The following NAV2 variants were observed in gnomAD, a reference collection of about 807,000 sequenced individuals.
NAV2 encodes the protein helicase, APC down-regulated 1.
NAV2 carries 54 observed loss-of-function variants against 223.2 expected under a neutral mutation model. The observed-to-expected ratio is 0.24, with a 90% confidence interval of 0.19 to 0.30. The LOEUF (loss-of-function observed/expected upper bound fraction) is 0.30, where lower values mean the gene tolerates loss of function less well. Ranked by LOEUF, NAV2 falls within the 10% of genes least tolerant of loss-of-function variation. The pLI, the probability that NAV2 is intolerant of heterozygous loss-of-function variation, is 1.00. For synonymous variants in NAV2, 1,279 were observed against 1,239.3 expected, an observed-to-expected ratio of 1.03 and a Z score of -0.67; for missense variants, 2,806 against 3,147.5, an observed-to-expected ratio of 0.89 and a Z score of 2.60.
intron 22 of NAV2, among the ~76,000 whole-genome samples, chr11:20,074,190 A>C (rs2059579796): frequency 6.6e-6 from 1 of 152,124 alleles, no homozygotes; most frequent in Non-Finnish European, 1.5e-5. Context: ...TTCCTTATGT[A>C]CCCAGTAGTC....
At chr11:19,498,311 G>T (rs1415662837) in intron 1 of NAV2, among the ~76,000 whole-genome samples, 5 of 152,228 alleles carry the variant, frequency 3.3e-5, no homozygotes, top group African/African-American at 1.2e-4. Flanking sequence ...CCAGGAGGTT[G>T]GTCCCCAAAA....
intron 1 of NAV2, among the ~76,000 whole-genome samples, chr11:19,561,044 G>A (rs754066174): frequency 5.3e-5 from 8 of 152,132 alleles, no homozygotes; most frequent in African/African-American, 9.7e-5. Context: ...CTCTTTTTCC[G>A]TTAAGACCAG....
chr11:19,690,412 A>T (rs1261643934), intron 1 of NAV2, among the ~76,000 whole-genome samples: 1 of 152,172 alleles, frequency 6.6e-6, no homozygotes, highest in Non-Finnish European at 1.5e-5. Context: ...ATGATCTTGG[A>T]CCACTTACTT....
chr11:20,086,409 T>C lies in NAV2; in HGVS notation c.5498+3230T>C, dbSNP rs146395148. 5.3e-3 allele frequency among the ~76,000 whole-genome samples: 810 copies of C among 152,290 alleles called. 10 individuals carry two copies. Among genetic ancestry groups the C allele is most frequent in the African/African-American group, 0.019 (775 of 41,562 alleles). On this transcript the variant is annotated intron_variant, in intron 26 of 37. Transcript: ENST00000349880. The stretch of plus-strand genomic sequence containing the variant: ...TTTATTTCCTTAGGTCTCTGCTCAA[T>C]GTGACTTAATGAATAAGGCCTTGCC...
At position 19,948,921 on chromosome 11, in the gene NAV2, G is replaced by A; in HGVS notation, c.2486G>A (p.Arg829Lys). ...GRYVYSAPLR[R>K]QLASRGSSVC... Reference sequence around the variant, plus strand: ...TATGTGTACTCCGCCCCTCTGAGAAGGCAGCTGGCCTCCCGGGGCAGTAGT... The same window carrying A: ...TATGTGTACTCCGCCCCTCTGAGAAAGCAGCTGGCCTCCCGGGGCAGTAGT... Residue 829 changes from arginine (R) to lysine (K), a missense_variant, in exon 10 of 38, where the codon AGG (arginine) becomes AAG (lysine). Transcript: ENST00000349880. The A allele has an allele frequency of 6.2e-7, 1 of 1,614,162 alleles. No homozygotes were observed. The highest frequency in any genetic ancestry group is 8.5e-7 in the Non-Finnish European group (1 of 1,180,018).
intron 1 of NAV2, among the ~76,000 whole-genome samples, chr11:19,446,892 G>A (rs1851604400): frequency 6.6e-6 from 1 of 152,204 alleles, no homozygotes; most frequent in Non-Finnish European, 1.5e-5. Context: ...GGAAAGGGGA[G>A]CCAAGCGTCA....
At chr11:19,551,213 A>T (rs987214582) in intron 1 of NAV2, among the ~76,000 whole-genome samples, 1 of 152,252 alleles carries the variant, frequency 6.6e-6, no homozygotes, top group Non-Finnish European at 1.5e-5. Flanking sequence ...CACTTTCTTT[A>T]CTACAATTTA....
chr11:19,981,917 C>T (rs1437227061), intron 10 of NAV2, among the ~76,000 whole-genome samples: 1 of 152,108 alleles, frequency 6.6e-6, no homozygotes, highest in Admixed American at 6.6e-5. Context: ...GGAAAGAAAA[C>T]CTGTAATCAG....
intron 19 of NAV2, among the ~76,000 whole-genome samples, chr11:20,057,595 A>G (rs750203172): frequency 1.3e-5 from 2 of 152,218 alleles, no homozygotes; most frequent in Non-Finnish European, 2.9e-5. Flanking sequence ...ACTTCTTTCT[A>G]GTCAGTGTAC....
chr11:19,465,028 G>A (rs1564958286), intron 1 of NAV2, among the ~76,000 whole-genome samples: 1 of 152,178 alleles, frequency 6.6e-6, no homozygotes, highest in Non-Finnish European at 1.5e-5. Context: ...GCCTGGAATA[G>A]CACTGTTTTG....
chr11:19,467,006 C>G (rs1564959955), intron 1 of NAV2, among the ~76,000 whole-genome samples: 1 of 131,812 alleles, frequency 7.6e-6, no homozygotes, highest in African/African-American at 2.8e-5. Context: ...CACACACACA[C>G]ACACACACAC....
chr11:19,504,257 T>A (rs889225170), intron 1 of NAV2: 2 of 152,170 alleles, frequency 1.3e-5, no homozygotes, highest in Admixed American at 1.3e-4. Context: ...AGTTTGGCAG[T>A]TTGGTACAAA....
At chr11:19,559,418 T>C (rs983810442) in intron 1 of NAV2, among the ~76,000 whole-genome samples, 2 of 152,122 alleles carry the variant, frequency 1.3e-5, no homozygotes, top group Admixed American at 6.5e-5. Context: ...GTGGATATAG[T>C]AAAGACAACC....
intron 1 of NAV2, among the ~76,000 whole-genome samples, chr11:19,723,166 A>G (rs2050911233): frequency 6.6e-6 from 1 of 152,214 alleles, no homozygotes; most frequent in Non-Finnish European, 1.5e-5. Flanking sequence ...GAAAGGGAGA[A>G]GGTTTAGAAA....
At chr11:19,968,285 C>T (rs1466426840) in intron 10 of NAV2, among the ~76,000 whole-genome samples, 2 of 152,200 alleles carry the variant, frequency 1.3e-5, no homozygotes, top group East Asian at 3.9e-4. Flanking sequence ...GCAACCTCCG[C>T]TCCTGGGTTC....
chr11:19,687,608 A>T (rs1162826947), intron 1 of NAV2, among the ~76,000 whole-genome samples: 2 of 152,212 alleles, frequency 1.3e-5, no homozygotes, highest in Non-Finnish European at 2.9e-5. Context: ...TTTTCAAATT[A>T]TCCTTTCATC....
In NAV2 at chr11:19,450,171, G is replaced by T. The variant is rs150361294; in HGVS notation, c.75+99144G>T. Among the ~76,000 whole-genome samples, 35 of 152,260 alleles carry T rather than the reference G, an allele frequency of 2.3e-4. 2 individuals carry two copies. In the East Asian group the frequency reaches 4.4e-3, roughly 19 times the overall value. ...AGTGGAGCTGCAGGGGTGAGCAGCCGCATGGTACACATGGATTTTTAAAAC... is the reference window on the plus strand; with the variant it reads ...AGTGGAGCTGCAGGGGTGAGCAGCCTCATGGTACACATGGATTTTTAAAAC... On this transcript the variant is annotated intron_variant, in intron 1 of 37. Coordinates refer to the NAV2 transcript ENST00000360655.
chr11:20,053,493 G>A (rs560214666), intron 17 of NAV2, among the ~76,000 whole-genome samples: 4 of 152,336 alleles, frequency 2.6e-5, no homozygotes, highest in African/African-American at 7.2e-5. Context: ...AATAAATGAG[G>A]TGGTGGACCA....
At chr11:19,475,112 A>G (rs1052917521) in intron 1 of NAV2, among the ~76,000 whole-genome samples, 1 of 152,224 alleles carries the variant, frequency 6.6e-6, no homozygotes. Flanking sequence ...CCCTGGTCAC[A>G]GCCTGCATCT....
Sources: gnomAD v4.1 joint callset for allele counts (sites outside exome capture counted in the v4.1 genomes callset) on GRCh38, gnomAD v4.1.1 for gene constraint, MANE v1.5 for transcripts, NCBI Gene and HGNC (gene_info 2026-07-23, HGNC 2026-07-21) for gene names.